Variants in CCDC85C observed in about 807,000 individuals in gnomAD.
CCDC85C encodes the protein coiled-coil domain-containing protein 85C.
CCDC85C carries 18 observed loss-of-function variants against 38.3 expected under a neutral mutation model. The ratio of observed to expected loss-of-function variants is 0.47; its 90% CI spans 0.33 to 0.70. The LOEUF is 0.70. Among genes scored for constraint, CCDC85C ranks in the 30% least tolerant of loss-of-function variants. The pLI, the probability that CCDC85C is intolerant of heterozygous loss-of-function variation, is 0.03. For missense variants in CCDC85C, 566 were observed against 621.2 expected (o/e 0.91, Z 0.94); for synonymous variants, 264 against 293.8 (o/e 0.90, Z 1.04).
chr14:99,579,816 G>A (rs760713945), intron 1 of CCDC85C, among the ~76,000 whole-genome samples: 3 of 152,088 alleles, frequency 2.0e-5, no homozygotes, highest in South Asian at 2.1e-4. Context: ...CAGGAGTGGG[G>A]ATGGGGGATC....
Position 99,565,690 on chromosome 14 carries a change from G to A in CCDC85C, c.794-29602C>T, listed in dbSNP as rs548297693. 2.6e-4 allele frequency among the ~76,000 whole-genome samples: 39 copies of A among 152,264 alleles called. No homozygotes were observed. The South Asian group carries it at 7.9e-3, about 31-fold the overall frequency. ...TGGTGCAGGTGGATACAGAAGCCCG[G>A]GAGGACACCGGCCCCCACCCCACCT... On this transcript the variant is annotated intron_variant, in intron 1 of 5. Coordinates refer to ENST00000380243, the MANE Select transcript of CCDC85C (RefSeq NM_001144995.2).
chr14:99,560,180 G>C (rs2144807), intron 1 of CCDC85C, among the ~76,000 whole-genome samples: 61,858 of 151,798 alleles, frequency 0.41, 13,994 homozygotes, highest in African/African-American at 0.59. Flanking sequence ...TCCACCAAAG[G>C]CTGCCCTCTT....
intron 1 of CCDC85C, among the ~76,000 whole-genome samples, chr14:99,589,367 TTC>T (rs895327501): frequency 6.6e-5 from 10 of 152,304 alleles, no homozygotes; most frequent in Non-Finnish European, 1.2e-4. Context: ...TGCCTTTGTG[TTC>T]TGTGTGGAGC....
intron 1 of CCDC85C, among the ~76,000 whole-genome samples, chr14:99,586,585 A>G (rs1023095138): frequency 6.6e-6 from 1 of 151,906 alleles, no homozygotes; most frequent in Non-Finnish European, 1.5e-5. Flanking sequence ...CATTTACAAC[A>G]CTCAGGCAGC....
chr14:99,583,458 C>T (rs748126935), intron 1 of CCDC85C, among the ~76,000 whole-genome samples: 2 of 145,392 alleles, frequency 1.4e-5, no homozygotes, highest in Non-Finnish European at 3.0e-5. Flanking sequence ...GAGCCAAGAT[C>T]GCATGATCGC....
Position 99,545,808 on chromosome 14 carries a change from C to G in CCDC85C, c.794-9720G>C, listed in dbSNP as rs1897794472. Among the ~76,000 whole-genome samples, 1 of 152,090 alleles carries G rather than the reference C, an allele frequency of 6.6e-6. No individual in the cohort carries two copies. Among genetic ancestry groups the G allele is most frequent in the Non-Finnish European group, 1.5e-5 (1 of 68,032 alleles). ...AGAGCTTTTAAAATCTGATCTCTTCCCCTGAGACTAACTGGACACTCTAGG... is the reference window on the plus strand; with the variant it reads ...AGAGCTTTTAAAATCTGATCTCTTCGCCTGAGACTAACTGGACACTCTAGG... On this transcript the variant is annotated intron_variant, in intron 1 of 5. Coordinates refer to ENST00000380243, the MANE Select transcript of CCDC85C (RefSeq NM_001144995.2). The surrounding 1 kb of genome is among the most constrained non-coding windows in gnomAD (Gnocchi z 4.7).
At chr14:99,531,592 G>T (rs1019419204) in intron 2 of CCDC85C, among the ~76,000 whole-genome samples, 6 of 121,354 alleles carry the variant, frequency 4.9e-5, no homozygotes, top group African/African-American at 1.5e-4. Context: ...GTGGGGGGGG[G>T]GGTGGGACCG....
rs1898372185 is a variant in CCDC85C at position 99,572,480 on chromosome 14, C to T, written c.793+30687G>A. On this transcript the variant is annotated intron_variant, in intron 1 of 5. Transcript: ENST00000380243. The surrounding 1 kb of genome is among the most constrained non-coding windows in gnomAD (Gnocchi z 4.4). ...CTCACAAGTATAAATGATCAGGTATCACACCTCCGCCAGGCTTTAGATAAA... is the reference window on the plus strand; with the variant it reads ...CTCACAAGTATAAATGATCAGGTATTACACCTCCGCCAGGCTTTAGATAAA... Among the ~76,000 whole-genome samples the T allele has an allele frequency of 6.6e-6, 1 of 151,214 alleles. No homozygotes were observed. The highest frequency in any genetic ancestry group is 1.5e-5 in the Non-Finnish European group (1 of 67,850).
At chr14:99,565,979 A>AGCCC (rs1347804298) in intron 1 of CCDC85C, among the ~76,000 whole-genome samples, 1 of 152,226 alleles carries the variant, frequency 6.6e-6, no homozygotes, top group Admixed American at 6.5e-5. Context: ...CCAGAGGCAC[A>AGCCC]ATGAGCTGTC....
At position 99,588,569 on chromosome 14, in the gene CCDC85C, G is replaced by A. The variant is rs1048351377; in HGVS notation, c.793+14598C>T. 1.3e-5 allele frequency among the ~76,000 whole-genome samples: 2 copies of A among 152,114 alleles called. No homozygotes were observed. Among genetic ancestry groups the A allele is most frequent in the Non-Finnish European group, 2.9e-5 (2 of 68,032 alleles). The stretch of plus-strand genomic sequence containing the variant: ...TTTTATTCTGCTCCTGCTGGCGATG[G>A]CGCTGGCCCGGGAGGCCTGAGGAAG... On this transcript the variant is annotated intron_variant, in intron 1 of 5. Coordinates refer to ENST00000380243, the MANE Select transcript of CCDC85C (RefSeq NM_001144995.2). The surrounding 1 kb of genome is among the most constrained non-coding windows in gnomAD (Gnocchi z 5.0).
In CCDC85C at chr14:99,603,276, C is replaced by A; in HGVS notation, c.684G>T (p.Leu228=). 1.4e-6 allele frequency: 2 copies of A among 1,381,182 alleles called. No individual in the cohort carries two copies. The highest frequency in any genetic ancestry group is 1.9e-6 in the Non-Finnish European group (2 of 1,072,862). The allele number at this position is 1,381,182 out of a possible 1,614,324, so 85.6% of individuals were successfully genotyped here. ...DHHHHVPPPL[L]PPGPHKAPDG... is the part of the protein sequence containing the mutation. Reference sequence around the variant, plus strand: ...CGGGGGCCTTGTGCGGCCCGGGGGGCAGCAGCGGGGGTGGGACGTGGTGGT... The same window carrying A: ...CGGGGGCCTTGTGCGGCCCGGGGGGAAGCAGCGGGGGTGGGACGTGGTGGT... Residue 228 remains leucine (L), a synonymous_variant, in exon 1 of 6, where the codon CTG becomes CTT. Transcript: ENST00000380243. The surrounding 1 kb of genome is among the most constrained non-coding windows in gnomAD (Gnocchi z 7.5).
rs552404829 is a variant in CCDC85C, at chr14:99,536,341, G to A, written c.794-253C>T. Among the ~76,000 whole-genome samples the A allele has an allele frequency of 5.6e-4, 86 of 152,330 alleles. 1 individual carries two copies. Among genetic ancestry groups the A allele is most frequent in the African/African-American group, 1.9e-3 (78 of 41,574 alleles). On this transcript the variant is annotated intron_variant, in intron 1 of 5. Coordinates refer to ENST00000380243, the MANE Select transcript of CCDC85C (RefSeq NM_001144995.2). The stretch of plus-strand genomic sequence containing the variant: ...CACAGAGGCCAGCCTTGCAGGACCC[G>A]CTGCTGCCCTCGCTGTGGGCCTCTG...
In CCDC85C at chr14:99,502,651, C is replaced by G. The variant is rs1369102376; in HGVS notation, c.*12595G>C. The G allele has an allele frequency of 4.1e-6, 6 of 1,470,056 alleles. No individual in the cohort carries two copies. Among genetic ancestry groups the G allele is most frequent in the South Asian group, 1.2e-5 (1 of 84,488 alleles). The allele number at this position is 1,470,056 out of a possible 1,614,324, so 91.1% of individuals were successfully genotyped here. A position where few individuals can be genotyped will look rare whatever the true frequency, so the allele number is the denominator to read the frequency against. On this transcript the variant is annotated 3_prime_UTR_variant, in exon 6 of 6. Transcript: ENST00000380243. ...CCTCGTAGGGGTATCATAACTGATTCTTTATCCAGGTAAAATTTTATTTAA... is the reference window on the plus strand; with the variant it reads ...CCTCGTAGGGGTATCATAACTGATTGTTTATCCAGGTAAAATTTTATTTAA...
chr14:99,562,615 A>C (rs1595087491), intron 1 of CCDC85C, among the ~76,000 whole-genome samples: 2 of 152,184 alleles, frequency 1.3e-5, no homozygotes, highest in Non-Finnish European at 1.5e-5. Context: ...TGGGTGAAAC[A>C]AAAGTTAATC....
rs1897780657 is a variant in CCDC85C, at chr14:99,544,997, T to C, written c.794-8909A>G. Among the ~76,000 whole-genome samples, 1 of 151,958 alleles carries C rather than the reference T, an allele frequency of 6.6e-6. No individual in the cohort carries two copies. ...CACACTTCCACAGCCGGATTAGAAA[T>C]CAAACACGCCGAGGACACCCTTCCC... On this transcript the variant is annotated intron_variant, in intron 1 of 5. Coordinates refer to ENST00000380243, the MANE Select transcript of CCDC85C (RefSeq NM_001144995.2). This position sits in a 1 kb window ranked among gnomAD's most constrained non-coding sequence, Gnocchi z 5.3.
Position 99,536,054 on chromosome 14 carries a change from G to A in CCDC85C, c.828C>T (p.Ser276=), listed in dbSNP as rs1191988691. The A allele has an allele frequency of 6.4e-7, 1 of 1,551,556 alleles. No individual in the cohort carries two copies. Among genetic ancestry groups the A allele is most frequent in the African/African-American group, 1.4e-5 (1 of 73,172 alleles). Residue 276 remains serine, a synonymous_variant, in exon 2 of 6, where the codon AGC becomes AGT. Transcript: ENST00000380243. The part of the protein sequence containing the change: ...PSSTYIRQLE[S]KVRLLEGDKL... ...TGTCACCCTCCAGCAGCCTCACTTT[G>A]CTCTCCAGTTGCCTGATGTAGGTGG... is the stretch of plus-strand genomic sequence containing the variant.
intron 1 of CCDC85C, among the ~76,000 whole-genome samples, chr14:99,561,788 G>A (rs1248290399): frequency 1.3e-5 from 2 of 152,196 alleles, no homozygotes; most frequent in African/African-American, 4.8e-5. Flanking sequence ...GGGCAGAGGA[G>A]GGATGCCAGG....
chr14:99,579,727 T>C (rs1366988515), intron 1 of CCDC85C, among the ~76,000 whole-genome samples: 1 of 151,400 alleles, frequency 6.6e-6, no homozygotes, highest in Non-Finnish European at 1.5e-5. Flanking sequence ...CCTGGGGGAG[T>C]CCAGGGCAGC....
intron 1 of CCDC85C, among the ~76,000 whole-genome samples, chr14:99,552,297 G>A (rs572854557): frequency 3.3e-5 from 5 of 152,328 alleles, no homozygotes; most frequent in South Asian, 2.1e-4. Context: ...AGCATTCTGC[G>A]GAGGCTGACA....
Sources: allele counts gnomAD v4.1 joint callset (sites outside exome capture counted in the v4.1 genomes callset), GRCh38; gene constraint gnomAD v4.1.1; non-coding constraint Gnocchi (gnomAD v3.1); transcripts MANE v1.5; gene names NCBI Gene and HGNC (gene_info 2026-07-23, HGNC 2026-07-21).